The following ELL2 variants were observed in gnomAD, a reference collection of about 807,000 sequenced individuals.
The protein encoded by ELL2 is elongation factor for RNA polymerase II 2.
Under a neutral mutation model 72.8 loss-of-function variants are expected in ELL2, and 21 were observed. The ratio of observed to expected loss-of-function variants is 0.29; its 90% confidence interval spans 0.20 to 0.42. The LOEUF is 0.42. Among genes scored for constraint, ELL2 ranks in the 10% least tolerant of loss-of-function variants. ELL2 has a pLI of 1.00. For synonymous variants in ELL2, 266 were observed against 283.2 expected (o/e 0.94, Z 0.61); for missense variants, 568 against 772.8 (o/e 0.73, Z 3.14).
chr5:95,941,498 A>T (rs1750967428), intron 2 of ELL2, among the ~76,000 whole-genome samples: 1 of 152,196 alleles, frequency 6.6e-6, no homozygotes, highest in Non-Finnish European at 1.5e-5. Flanking sequence ...TGCAAGGGTC[A>T]GAATGGAGAG....
In ELL2 at chr5:95,961,565, GC is replaced by G. The variant is rs1417489104; in HGVS notation, c.147+9del. On this transcript the variant is annotated intron_variant, in intron 1 of 11. Coordinates refer to ENST00000237853, the MANE Select transcript of ELL2 (RefSeq NM_012081.6). The stretch of plus-strand genomic sequence containing the variant: ...CTCTCTGAGCCCAGCCTGCCGGCCG[GC>G]CCGCTCACCTTGTGGCTCTGGTAAG... 2 of 1,574,932 alleles carry G rather than the reference GC, an allele frequency of 1.3e-6. No homozygotes were observed. Among genetic ancestry groups the G allele is most frequent in the Non-Finnish European group, 1.7e-6 (2 of 1,162,914 alleles).
intron 5 of ELL2, among the ~76,000 whole-genome samples, chr5:95,905,840 G>A (rs1447553958): frequency 6.6e-6 from 1 of 151,700 alleles, no homozygotes; most frequent in Non-Finnish European, 1.5e-5. Context: ...ACCATTTATG[G>A]TGGATCTGAA....
chr5:95,949,045 T>C (rs1751281126), intron 1 of ELL2, among the ~76,000 whole-genome samples: 1 of 152,256 alleles, frequency 6.6e-6, no homozygotes, highest in African/African-American at 2.4e-5. Flanking sequence ...AGTTTGGTTA[T>C]ACTCTTGACA....
In ELL2 at chr5:95,927,441, ATATAGACATACACACACACGTGTG is replaced by A. The variant is rs1561504377; in HGVS notation, c.196-7920_196-7897del. Among the ~76,000 whole-genome samples the A allele has an allele frequency of 1.8e-3, 90 of 50,024 alleles. 5 individuals carry two copies. Among genetic ancestry groups the A allele is most frequent in the African/African-American group, 2.0e-3 (12 of 5,902 alleles). The allele number at this position is 50,024 out of a possible 152,430, so 32.8% of individuals were successfully genotyped here. A position where few individuals can be genotyped will look rare whatever the true frequency, so the allele number is the denominator to read the frequency against. On this transcript the variant is annotated intron_variant, in intron 2 of 11. Transcript: ENST00000237853. ...TATAGACATACACACACACGTGTGT[ATATAGACATACACACACACGTGTG>A]TATATAGACATACACACACGTGTGT...
chr5:95,950,943 TATATATATATAA>T lies in ELL2; in HGVS notation c.148-7906_148-7895del, dbSNP rs1340051626. ...ATATATATATATATATATATATATA[TATATATATATAA>T]AATCTTCATATATATGGTTGTCTTA... On this transcript the variant is annotated intron_variant, in intron 1 of 11. Transcript: ENST00000237853. 1.2e-3 allele frequency among the ~76,000 whole-genome samples: 125 copies of T among 105,342 alleles called. 2 individuals are homozygous for T. The highest frequency in any genetic ancestry group is 4.6e-3 in the Middle Eastern group (1 of 218). 69.1% of individuals were successfully genotyped at this position (105,342 alleles called of 152,430 possible).
At chr5:95,934,571 C>A (rs1393790785) in intron 2 of ELL2, among the ~76,000 whole-genome samples, 6 of 152,214 alleles carry the variant, frequency 3.9e-5, no homozygotes, top group African/African-American at 1.4e-4. Context: ...AGCAACTCTG[C>A]CTGCACCTTC....
At chr5:95,943,344 A>G (rs1050267944) in intron 1 of ELL2, among the ~76,000 whole-genome samples, 3 of 152,098 alleles carry the variant, frequency 2.0e-5, no homozygotes, top group Admixed American at 2.0e-4. Context: ...TTCATTATAT[A>G]CTTTCTTTTG....
At chr5:95,930,462 A>T (rs936927042) in intron 2 of ELL2, among the ~76,000 whole-genome samples, 15 of 152,236 alleles carry the variant, frequency 9.9e-5, no homozygotes, top group Non-Finnish European at 1.6e-4. Context: ...ACCCCAACCT[A>T]ATCAATGTCA....
rs973129101 is a variant in ELL2 at position 95,886,884 on chromosome 5, C to T, written c.*1987G>A. ...CCTTTTGCTTTTGAGAAACCTTGCTCATAGCAAATAGCAGCACACAGTCTT... is the reference window on the plus strand; with the variant it reads ...CCTTTTGCTTTTGAGAAACCTTGCTTATAGCAAATAGCAGCACACAGTCTT... On this transcript the variant is annotated 3_prime_UTR_variant, in exon 12 of 12. Transcript: ENST00000237853. 2.0e-5 allele frequency: 3 copies of T among 152,122 alleles called. No individual in the cohort carries two copies. The highest frequency in any genetic ancestry group is 4.8e-5 in the African/African-American group (2 of 41,432). The allele number at this position is 152,122 out of a possible 1,614,324, so 9.4% of individuals were successfully genotyped here. A position where few individuals can be genotyped will look rare whatever the true frequency, so the allele number is the denominator to read the frequency against.
intron 4 of ELL2, among the ~76,000 whole-genome samples, chr5:95,908,984 A>G (rs1749480416): frequency 6.6e-6 from 1 of 152,176 alleles, no homozygotes; most frequent in African/African-American, 2.4e-5. Flanking sequence ...AAAAATAAAA[A>G]GAGAAACTAA....
At chr5:95,899,569 T>C (rs1281267552) in intron 7 of ELL2, among the ~76,000 whole-genome samples, 1 of 152,206 alleles carries the variant, frequency 6.6e-6, no homozygotes, top group Admixed American at 6.5e-5. Context: ...AGTAGCCTAA[T>C]CTGTCAACAA....
intron 2 of ELL2, among the ~76,000 whole-genome samples, chr5:95,927,515 A>G (rs556795212): frequency 2.9e-5 from 1 of 34,420 alleles, no homozygotes; most frequent in Admixed American, 2.0e-4. Context: ...ACACGTGTGT[A>G]TATAGACATA....
intron 5 of ELL2, among the ~76,000 whole-genome samples, chr5:95,903,135 C>T (rs1477410703): frequency 6.6e-6 from 1 of 151,232 alleles, no homozygotes; most frequent in African/African-American, 2.4e-5. Context: ...CATTGACACC[C>T]CCACCCCCAC....
At chr5:95,942,068 T>C (rs1219023389) in intron 2 of ELL2, among the ~76,000 whole-genome samples, 1 of 152,226 alleles carries the variant, frequency 6.6e-6, no homozygotes, top group Non-Finnish European at 1.5e-5. Flanking sequence ...AGAAGTACTC[T>C]TGGCCTGTGT....
chr5:95,961,470 A>C, intron 1 of ELL2, 105 bp downstream of exon 1: 47 of 1,255,350 alleles, frequency 3.7e-5, no homozygotes, highest in Middle Eastern at 2.9e-4. Context: ...CGCTGACGGT[A>C]GCAGCTGCCA....
chr5:95,902,634 C>T (rs544336504), intron 5 of ELL2, among the ~76,000 whole-genome samples: 1 of 152,232 alleles, frequency 6.6e-6, no homozygotes, highest in Admixed American at 6.5e-5. Flanking sequence ...ACTATTCTAA[C>T]AGTAATGTTT....
intron 1 of ELL2, among the ~76,000 whole-genome samples, chr5:95,958,493 T>A (rs1315326398): frequency 6.6e-6 from 1 of 152,156 alleles, no homozygotes; most frequent in African/African-American, 2.4e-5. Context: ...CAGAAAGGTA[T>A]CTATCTCATT....
intron 2 of ELL2, among the ~76,000 whole-genome samples, chr5:95,938,256 CG>C (rs1750849812): frequency 6.6e-6 from 1 of 152,120 alleles, no homozygotes; most frequent in Non-Finnish European, 1.5e-5. Context: ...ATTTCATCTT[CG>C]GAAGGTCATT....
At chr5:95,948,353 C>T (rs1032271147) in intron 1 of ELL2, among the ~76,000 whole-genome samples, 25 of 143,266 alleles carry the variant, frequency 1.7e-4, no homozygotes, top group Non-Finnish European at 3.1e-4. Context: ...TGGCGTGAAC[C>T]CGGGAGGCGG....
Sources: gnomAD v4.1 joint callset for allele counts (sites outside exome capture counted in the v4.1 genomes callset) on GRCh38, gnomAD v4.1.1 for gene constraint, MANE v1.5 for transcripts, NCBI Gene and HGNC (gene_info 2026-07-23, HGNC 2026-07-21) for gene names.